COL5A1: variants seen among roughly 807,000 people sequenced by gnomAD.
The protein encoded by COL5A1 is collagen alpha-1(V) chain.
Under a neutral mutation model 263.7 loss-of-function variants are expected in COL5A1, and 16 were observed. That is an observed-to-expected ratio of 0.06 (90% CI 0.04 to 0.09). COL5A1 has a LOEUF of 0.09. COL5A1 is among the 10% of genes least tolerant of loss of function. The pLI is 1.00. For missense variants in COL5A1, 2,036 were observed against 2,540.5 expected, an observed-to-expected ratio of 0.80 and a Z score of 4.27; for synonymous variants, 1,012 against 1,004.5, an observed-to-expected ratio of 1.01 and a Z score of -0.14.
intron 64 of COL5A1, chr9:134,830,446 C>T (rs1329073477): frequency 7.2e-6 from 4 of 555,468 alleles, no homozygotes; most frequent in East Asian, 3.0e-5. Context: ...CCAGCCTGAG[C>T]TGATCCTCTG....
At position 134,753,879 on chromosome 9, in the gene COL5A1, C is replaced by A. The variant is rs200977434; in HGVS notation, c.1749C>A (p.Gly583=). The change falls in exon 15 of 66, where the codon GGC becomes GGA. Residue 583 remains glycine (G), a synonymous_variant. Transcript: ENST00000371817. ...CCCCTGGGAGCGGAGGTTTGAAGGG[C>A]GAGCCGGGAGACGTGGGGCCTCAGG... ...VGPPGSGGLK[G]EPGDVGPQGP... 1 of 1,612,604 alleles carries A rather than the reference C, an allele frequency of 6.2e-7. No homozygotes were observed. Among genetic ancestry groups the A allele is most frequent in the South Asian group, 1.1e-5 (1 of 91,008 alleles).
intron 18 of COL5A1, among the ~76,000 whole-genome samples, chr9:134,760,621 AC>A (rs1298872577): frequency 9.6e-6 from 1 of 104,140 alleles, no homozygotes; most frequent in Non-Finnish European, 1.9e-5. Context: ...ACACACACAC[AC>A]CCACACACCC....
chr9:134,681,322 G>A lies in COL5A1; in HGVS notation c.110-9590G>A, dbSNP rs2132531095. Among the ~76,000 whole-genome samples, 1 of 152,342 alleles carries A rather than the reference G, an allele frequency of 6.6e-6. No individual in the cohort carries two copies. Among genetic ancestry groups the A allele is most frequent in the African/African-American group, 2.4e-5 (1 of 41,582 alleles). ...AGCCGCCCTTCCCCGGCTCTGCAGGGCCCTTTACAAACAGAGCAAATTGAT... is the reference window on the plus strand; with the variant it reads ...AGCCGCCCTTCCCCGGCTCTGCAGGACCCTTTACAAACAGAGCAAATTGAT... On this transcript the variant is annotated intron_variant, in intron 1 of 65. Coordinates refer to ENST00000371817, the MANE Select transcript of COL5A1 (RefSeq NM_000093.5). This position sits in a 1 kb window ranked among gnomAD's most constrained non-coding sequence, Gnocchi z 4.3.
At chr9:134,795,011 G>A (rs1406256562) in intron 32 of COL5A1, 71 bp from the exon 33 acceptor site, 31 of 1,541,256 alleles carry the variant, frequency 2.0e-5, no homozygotes, top group East Asian at 1.4e-4. Flanking sequence ...TCAATAACCC[G>A]GGAGACAGCT....
intron 43 of COL5A1, among the ~76,000 whole-genome samples, chr9:134,809,926 G>A (rs923135052): frequency 4.9e-4 from 75 of 152,224 alleles, no homozygotes; most frequent in African/African-American, 1.8e-3. Flanking sequence ...TAACTTCTTC[G>A]GCAACATAGT....
At chr9:134,772,942 C>G in intron 26 of COL5A1, 108 bp downstream of exon 26, 1 of 1,169,062 alleles carries the variant, frequency 8.6e-7, no homozygotes, top group South Asian at 1.2e-5. Context: ...AGGAAGGAGC[C>G]GGGGACACTC....
Position 134,785,892 on chromosome 9 carries a change from C to T in COL5A1, c.2593-103C>T, listed in dbSNP as rs776396658. 5 of 1,093,510 alleles carry T rather than the reference C, an allele frequency of 4.6e-6. No individual in the cohort carries two copies. In the Admixed American group the frequency reaches 7.8e-5, roughly 17 times the overall value. 67.7% of individuals were successfully genotyped at this position (1,093,510 alleles called of 1,614,324 possible). A position where few individuals can be genotyped will look rare whatever the true frequency, so the allele number is the denominator to read the frequency against. On this transcript the variant is annotated intron_variant, in intron 30 of 65. Coordinates refer to ENST00000371817, the MANE Select transcript of COL5A1 (RefSeq NM_000093.5). ...TGCCCCCGCCTCTGGAAACCACACC[C>T]TCCTCCAGGCCCCTGCCAGAACGCA...
intron 31 of COL5A1, among the ~76,000 whole-genome samples, chr9:134,787,390 T>A (rs1411191683): frequency 6.6e-6 from 1 of 152,210 alleles, no homozygotes; most frequent in Non-Finnish European, 1.5e-5. Flanking sequence ...GTGGCTTGGC[T>A]GAACTCAGTC....
Position 134,681,887 on chromosome 9 carries a change from C to G in COL5A1, c.110-9025C>G, listed in dbSNP as rs191924819. Among the ~76,000 whole-genome samples, 757 of 152,244 alleles carry G rather than the reference C, an allele frequency of 5.0e-3. 9 individuals carry two copies. The highest frequency in any genetic ancestry group is 0.017 in the African/African-American group (702 of 41,540). ...TCTTCCTCGCTCTTCCTCTCTTTCT[C>G]TCTCTGTCTCTCCCTCTCTCTTTCT... On this transcript the variant is annotated intron_variant, in intron 1 of 65. Transcript: ENST00000371817. The surrounding 1 kb of genome is among the most constrained non-coding windows in gnomAD (Gnocchi z 4.3).
At chr9:134,840,876 C>T (rs955793042) in intron 65 of COL5A1, among the ~76,000 whole-genome samples, 4 of 152,186 alleles carry the variant, frequency 2.6e-5, no homozygotes, top group Non-Finnish European at 4.4e-5. Flanking sequence ...ATCGAACGGC[C>T]CCACCTCCTA....
At chr9:134,701,372 G>A (rs778513789) in intron 4 of COL5A1, 39 bp downstream of exon 4, 51 of 1,601,128 alleles carry the variant, frequency 3.2e-5, no homozygotes, top group Non-Finnish European at 4.3e-5. Flanking sequence ...GCCCACCAGG[G>A]CACTCCTCCT....
chr9:134,773,308 G>A (rs1373108917), intron 26 of COL5A1, among the ~76,000 whole-genome samples: 4 of 152,194 alleles, frequency 2.6e-5, no homozygotes, highest in African/African-American at 9.7e-5. Flanking sequence ...GGGGCCTGCT[G>A]GGCTGCGAGG....
intron 11 of COL5A1, among the ~76,000 whole-genome samples, chr9:134,743,734 C>A (rs1437417531): frequency 6.6e-6 from 1 of 152,220 alleles, no homozygotes; most frequent in Non-Finnish European, 1.5e-5. Flanking sequence ...GTCTTATCAG[C>A]CCCTCCTGTC....
At chr9:134,830,308 C>A in intron 64 of COL5A1, 1 of 876,842 alleles carries the variant, frequency 1.1e-6, no homozygotes, top group Non-Finnish European at 1.8e-6. Context: ...CATCACGTGA[C>A]AGCAAGACTC....
At chr9:134,782,783 G>C (rs996862235) in intron 29 of COL5A1, 63 bp downstream of exon 29, 2 of 1,416,584 alleles carry the variant, frequency 1.4e-6, no homozygotes, top group Non-Finnish European at 1.0e-6. Context: ...CGTGTGGGAG[G>C]GGGTGGGGAT....
intron 1 of COL5A1, among the ~76,000 whole-genome samples, chr9:134,685,484 CCGT>C (rs1833023933): frequency 1.2e-5 from 1 of 83,756 alleles, no homozygotes; most frequent in Non-Finnish European, 2.9e-5. Flanking sequence ...ATCCATCCAT[CCGT>C]CCATCCATCC....
chr9:134,795,025 A>C, intron 32 of COL5A1, 57 bp from the exon 33 acceptor site: 1 of 1,586,326 alleles, frequency 6.3e-7, no homozygotes, highest in Non-Finnish European at 8.7e-7. Context: ...GACAGCTGCC[A>C]CCTGAGCAGG....
intron 61 of COL5A1, among the ~76,000 whole-genome samples, chr9:134,823,914 ATG>A (rs1414628128): frequency 4.0e-5 from 6 of 149,054 alleles, no homozygotes; most frequent in African/African-American, 1.5e-4. Context: ...TGGGGCACAT[ATG>A]TGTGTGCATG....
At chr9:134,823,093 C>T (rs953561786) in intron 60 of COL5A1, 60 bp downstream of exon 60, 62 of 1,587,134 alleles carry the variant, frequency 3.9e-5, no homozygotes, top group Non-Finnish European at 5.3e-5. Flanking sequence ...GCGACGGGTC[C>T]CCTGGCACGG....
Sources: allele counts gnomAD v4.1 joint callset (sites outside exome capture counted in the v4.1 genomes callset), GRCh38; gene constraint gnomAD v4.1.1; non-coding constraint Gnocchi (gnomAD v3.1); transcripts MANE v1.5; gene names NCBI Gene and HGNC (gene_info 2026-07-23, HGNC 2026-07-21).